Variants in PTPRG observed in about 807,000 individuals in gnomAD.
PTPRG encodes the protein receptor-type tyrosine-protein phosphatase gamma.
PTPRG carries 102 observed loss-of-function variants against 165.3 expected under a neutral mutation model. That is an observed-to-expected ratio of 0.62 (90% CI 0.53 to 0.73). The LOEUF (loss-of-function observed/expected upper bound fraction) is 0.73, where lower values mean the gene tolerates loss of function less well. Ranked by LOEUF, PTPRG falls within the 30% of genes least tolerant of loss-of-function variation. PTPRG has a pLI of 0.00. For missense variants in PTPRG, 1,866 were observed against 1,861.4 expected, an observed-to-expected ratio of 1.00 and a Z score of -0.05; for synonymous variants, 675 against 669.5, an observed-to-expected ratio of 1.01 and a Z score of -0.13.
intron 2 of PTPRG, among the ~76,000 whole-genome samples, chr3:61,763,224 C>T (rs1345094458): frequency 3.9e-5 from 6 of 151,950 alleles, no homozygotes; most frequent in African/African-American, 1.4e-4. Context: ...CTATACCTAC[C>T]CTTGTCATCA....
At chr3:61,566,435 G>A (rs983360444) in intron 1 of PTPRG, among the ~76,000 whole-genome samples, 2 of 152,220 alleles carry the variant, frequency 1.3e-5, no homozygotes, top group African/African-American at 2.4e-5. Flanking sequence ...ATTCACGTGA[G>A]ATCACTTAAA....
chr3:62,236,284 A>G (rs1701032497), intron 14 of PTPRG, among the ~76,000 whole-genome samples: 1 of 152,158 alleles, frequency 6.6e-6, no homozygotes, highest in Non-Finnish European at 1.5e-5. Flanking sequence ...TTATTGTTGT[A>G]TTTGTCACTT....
intron 5 of PTPRG, among the ~76,000 whole-genome samples, chr3:62,095,694 C>G (rs1197830104): frequency 6.6e-6 from 1 of 151,988 alleles, no homozygotes; most frequent in Non-Finnish European, 1.5e-5. Flanking sequence ...TGTGTGAGGT[C>G]TAGTGAGGGA....
chr3:62,120,457 T>TAA (rs1553638428), intron 5 of PTPRG, among the ~76,000 whole-genome samples: 3 of 152,086 alleles, frequency 2.0e-5, no homozygotes, highest in African/African-American at 7.2e-5. Flanking sequence ...TGTATTAAAA[T>TAA]AAAAGATTGA....
Position 62,132,618 on chromosome 3 carries a change from A to C in PTPRG, c.632A>C (p.Asn211Thr). 6.2e-7 allele frequency: 1 copy of C among 1,611,678 alleles called. No individual in the cohort carries two copies. Among genetic ancestry groups the C allele is most frequent in the Non-Finnish European group, 8.5e-7 (1 of 1,177,756 alleles). The change falls in exon 6 of 30, where the codon AAT (asparagine) becomes ACT (threonine). Residue 211 changes from asparagine (N) to threonine (T), a missense_variant. By Grantham distance (65) the Asn-to-Thr change is moderately conservative. Transcript: ENST00000474889. ...TACATTTAGGTCAGTCCGAGGGACA[A>C]TTCTGCACTGGATCCTATTATCCAC... Reference protein sequence around the residue: ...AIFFQVSPRDNSALDPIIHGL... With the variant: ...AIFFQVSPRDTSALDPIIHGL...
intron 4 of PTPRG, among the ~76,000 whole-genome samples, chr3:62,065,757 G>T (rs1006186227): frequency 6.6e-6 from 1 of 152,112 alleles, no homozygotes; most frequent in Non-Finnish European, 1.5e-5. Flanking sequence ...AGAACCTTTT[G>T]TAAGGGGATC....
At chr3:61,763,326 C>T (rs1197084314) in intron 2 of PTPRG, among the ~76,000 whole-genome samples, 5 of 152,044 alleles carry the variant, frequency 3.3e-5, no homozygotes, top group Admixed American at 1.3e-4. Context: ...CAACCTCCAC[C>T]TCCTGGGTTC....
At chr3:62,188,851 C>T (rs967973989) in intron 8 of PTPRG, among the ~76,000 whole-genome samples, 7 of 151,958 alleles carry the variant, frequency 4.6e-5, no homozygotes, top group Non-Finnish European at 7.4e-5. Flanking sequence ...CTGAGATGGT[C>T]ATCATTATGG....
chr3:62,069,778 G>A (rs6787306), intron 4 of PTPRG, among the ~76,000 whole-genome samples: 104,131 of 149,298 alleles, frequency 0.7, 37,897 homozygotes, highest in Non-Finnish European at 0.79. Context: ...CTCTAGCTAA[G>A]TTGATCTTGC....
At chr3:61,618,384 C>T (rs57490914) in intron 1 of PTPRG, among the ~76,000 whole-genome samples, 4,620 of 152,202 alleles carry the variant, frequency 0.03, 237 homozygotes, top group African/African-American at 0.11. Flanking sequence ...TGTGTGTGTC[C>T]TGCTCACATT....
At chr3:61,688,348 C>T (rs1036826784) in intron 1 of PTPRG, among the ~76,000 whole-genome samples, 19 of 152,326 alleles carry the variant, frequency 1.2e-4, no homozygotes, top group African/African-American at 4.3e-4. Context: ...CCAGCCTAGA[C>T]TCTGTATCCT....
chr3:62,089,656 G>A (rs1701865994), intron 5 of PTPRG, among the ~76,000 whole-genome samples: 1 of 152,154 alleles, frequency 6.6e-6, no homozygotes, highest in Non-Finnish European at 1.5e-5. Flanking sequence ...GGGGTCTGTT[G>A]GGAGCTATGA....
chr3:61,856,919 T>G (rs2037122558), intron 2 of PTPRG, among the ~76,000 whole-genome samples: 1 of 152,232 alleles, frequency 6.6e-6, no homozygotes, highest in Non-Finnish European at 1.5e-5. Context: ...AGTACTGCTA[T>G]ATGATGTCTT....
intron 1 of PTPRG, among the ~76,000 whole-genome samples, chr3:61,696,362 T>A (rs1266140559): frequency 1.3e-5 from 2 of 151,738 alleles, no homozygotes; most frequent in African/African-American, 4.8e-5. Context: ...ATTAGCCAGG[T>A]GTGGTGGCAG....
At chr3:61,766,620 T>G (rs1430597809) in intron 2 of PTPRG, among the ~76,000 whole-genome samples, 1 of 151,874 alleles carries the variant, frequency 6.6e-6, no homozygotes, top group East Asian at 1.9e-4. Flanking sequence ...AAAAAAAATT[T>G]TTTTTTTTTT....
chr3:61,994,444 C>G (rs1283090723), intron 3 of PTPRG, among the ~76,000 whole-genome samples: 1 of 152,024 alleles, frequency 6.6e-6, no homozygotes, highest in Non-Finnish European at 1.5e-5. Context: ...TTTTCTTTGC[C>G]TACATTCTTC....
At chr3:62,221,355 G>A (rs539988224) in intron 13 of PTPRG, among the ~76,000 whole-genome samples, 36 of 152,272 alleles carry the variant, frequency 2.4e-4, no homozygotes, top group African/African-American at 8.2e-4. Context: ...CACAAAAAAT[G>A]AGTGTGAAAA....
chr3:62,132,750 A>G, intron 6 of PTPRG, 82 bp downstream of exon 6: 9 of 1,263,866 alleles, frequency 7.1e-6, no homozygotes, highest in Middle Eastern at 1.9e-4. Flanking sequence ...TATCTTGCAG[A>G]GGACAGAGGG....
chr3:62,012,050 G>C (rs751311207), intron 4 of PTPRG, among the ~76,000 whole-genome samples: 1 of 152,174 alleles, frequency 6.6e-6, no homozygotes, highest in South Asian at 2.1e-4. Flanking sequence ...GGGTAGTGGC[G>C]GTTGTGGTTG....
Sources: allele counts gnomAD v4.1 joint callset (sites outside exome capture counted in the v4.1 genomes callset), GRCh38; gene constraint gnomAD v4.1.1; transcripts MANE v1.5; gene names NCBI Gene and HGNC (gene_info 2026-07-23, HGNC 2026-07-21).